The following USH2A variants were observed in gnomAD, a reference collection of about 807,000 sequenced individuals.
The protein encoded by USH2A is usherin.
USH2A carries 443 observed loss-of-function variants against 538.9 expected under a neutral mutation model. The ratio of observed to expected loss-of-function variants is 0.82; its 90% CI spans 0.76 to 0.89. The LOEUF (loss-of-function observed/expected upper bound fraction) is 0.89. Among genes scored for constraint, USH2A ranks in the 40% least tolerant of loss-of-function variants. USH2A has a pLI of 0.00. For synonymous variants in USH2A, 2,413 were observed against 2,273.5 expected (o/e 1.06, Z -1.75); for missense variants, 6,633 against 6,324.8 (o/e 1.05, Z -1.65).
At chr1:216,028,365 C>G (rs556364736) in intron 32 of USH2A, among the ~76,000 whole-genome samples, 1 of 150,184 alleles carries the variant, frequency 6.7e-6, no homozygotes, top group Non-Finnish European at 1.5e-5. Context: ...CCAGCCTGGG[C>G]GACAGAGTGA....
chr1:216,108,299 A>T (rs2032785796), intron 21 of USH2A, among the ~76,000 whole-genome samples: 1 of 151,788 alleles, frequency 6.6e-6, no homozygotes, highest in Non-Finnish European at 1.5e-5. Context: ...TTCTAGCCTC[A>T]ATTATTTTTG....
rs114041168 is a variant in USH2A at position 216,235,120 on chromosome 1, C to G, written c.2810-2984G>C. Among the ~76,000 whole-genome samples, 726 of 152,246 alleles carry G rather than the reference C, an allele frequency of 4.8e-3. 3 individuals are homozygous for G. The highest frequency in any genetic ancestry group is 0.014 in the Middle Eastern group (4 of 294). On this transcript the variant is annotated intron_variant, in intron 13 of 71. Transcript: ENST00000307340. ...TACCTGAATGTGCCTAATTCTAGAC[C>G]ATTACCTCCTTTTATGACTTCCAAC...
chr1:215,758,489 C>G, intron 58 of USH2A, 106 bp downstream of exon 58: 19 of 1,394,734 alleles, frequency 1.4e-5, no homozygotes, highest in Non-Finnish European at 1.9e-5. Flanking sequence ...TCCAGGAGAC[C>G]GACTATGTCT....
At chr1:216,015,754 T>G (rs1177856036) in intron 32 of USH2A, among the ~76,000 whole-genome samples, 1 of 152,196 alleles carries the variant, frequency 6.6e-6, no homozygotes, top group African/African-American at 2.4e-5. Flanking sequence ...TGATTTGCAT[T>G]TCTCTGATGG....
chr1:215,822,739 TGTTAGCCATAG>T (rs1207232473), intron 47 of USH2A, among the ~76,000 whole-genome samples: 8 of 152,024 alleles, frequency 5.3e-5, no homozygotes, highest in Admixed American at 5.3e-4. Context: ...TTCAGTACAA[TGTTAGCCATAG>T]GTTTGTCATA....
At chr1:215,653,704 G>A (rs1014821347) in intron 64 of USH2A, among the ~76,000 whole-genome samples, 26 of 152,080 alleles carry the variant, frequency 1.7e-4, no homozygotes, top group Admixed American at 2.0e-4. Flanking sequence ...AGGTAAAAAC[G>A]TTCTTTGTCT....
chr1:216,042,095 C>G (rs534970091), intron 32 of USH2A, among the ~76,000 whole-genome samples: 2 of 151,858 alleles, frequency 1.3e-5, no homozygotes, highest in Admixed American at 1.3e-4. Context: ...CCATTATATG[C>G]TATATGAGAT....
At chr1:215,830,731 C>T (rs75906775) in intron 47 of USH2A, among the ~76,000 whole-genome samples, 40 of 152,248 alleles carry the variant, frequency 2.6e-4, no homozygotes, top group Admixed American at 5.2e-4. Context: ...AGCAGCACAG[C>T]GAAGATTTTG....
At chr1:216,114,490 A>G (rs895250759) in intron 21 of USH2A, among the ~76,000 whole-genome samples, 1 of 151,994 alleles carries the variant, frequency 6.6e-6, no homozygotes, top group African/African-American at 2.4e-5. Context: ...TCCACTTATT[A>G]TTTTTGTCTT....
intron 48 of USH2A, among the ~76,000 whole-genome samples, chr1:215,814,468 A>G (rs1376270741): frequency 6.6e-6 from 1 of 152,000 alleles, no homozygotes; most frequent in African/African-American, 2.4e-5. Context: ...AAAATTGTAA[A>G]TTTCATTTGG....
intron 37 of USH2A, among the ~76,000 whole-genome samples, chr1:215,943,561 T>A (rs1053912796): frequency 6.6e-6 from 1 of 152,166 alleles, no homozygotes; most frequent in Non-Finnish European, 1.5e-5. Context: ...GTTCATGTGG[T>A]AAGACCATGG....
intron 38 of USH2A, 25 bp from the exon 39 acceptor site, chr1:215,900,930 G>C (rs773273914): frequency 1.2e-6 from 2 of 1,612,762 alleles, no homozygotes; most frequent in Non-Finnish European, 1.7e-6. Flanking sequence ...AGATGAATTA[G>C]AGCAGAGAAA....
chr1:215,822,189 T>C (rs1009933009), intron 47 of USH2A, among the ~76,000 whole-genome samples: 1 of 152,004 alleles, frequency 6.6e-6, no homozygotes, highest in Admixed American at 6.6e-5. Flanking sequence ...ATGTATTACA[T>C]TGAATCTGTA....
At chr1:216,330,217 T>C (rs367977279) in intron 4 of USH2A, among the ~76,000 whole-genome samples, 13 of 152,246 alleles carry the variant, frequency 8.5e-5, no homozygotes, top group African/African-American at 2.9e-4. Context: ...GTGCCAAAAG[T>C]ACAATCAGTT....
chr1:215,678,214 G>A (rs191657565), intron 62 of USH2A, among the ~76,000 whole-genome samples: 37 of 152,200 alleles, frequency 2.4e-4, no homozygotes, highest in Non-Finnish European at 3.5e-4. Flanking sequence ...TTTTAAAAAC[G>A]TAAATTTGAT....
intron 38 of USH2A, among the ~76,000 whole-genome samples, chr1:215,903,550 A>C (rs1327454230): frequency 2.0e-5 from 3 of 152,096 alleles, no homozygotes; most frequent in Non-Finnish European, 4.4e-5. Flanking sequence ...GTGTGGGAAG[A>C]GAGAGGTGAG....
At chr1:216,200,818 C>G (rs891481495) in intron 16 of USH2A, among the ~76,000 whole-genome samples, 1 of 152,084 alleles carries the variant, frequency 6.6e-6, no homozygotes, top group Non-Finnish European at 1.5e-5. Flanking sequence ...TGTAGGACTG[C>G]GAAACACACA....
chr1:216,152,176 T>C (rs2033850831), intron 21 of USH2A, among the ~76,000 whole-genome samples: 1 of 152,180 alleles, frequency 6.6e-6, no homozygotes, highest in Non-Finnish European at 1.5e-5. Flanking sequence ...AATACTATTT[T>C]GTTTTATTTT....
At chr1:216,139,965 A>C (rs1008584790) in intron 21 of USH2A, among the ~76,000 whole-genome samples, 1 of 152,220 alleles carries the variant, frequency 6.6e-6, no homozygotes, top group Non-Finnish European at 1.5e-5. Flanking sequence ...CACTACACAC[A>C]CACAAAATTA....
Sources: allele counts gnomAD v4.1 joint callset (sites outside exome capture counted in the v4.1 genomes callset), GRCh38; gene constraint gnomAD v4.1.1; transcripts MANE v1.5; gene names NCBI Gene and HGNC (gene_info 2026-07-23, HGNC 2026-07-21).